Variants in PDGFC observed in about 807,000 individuals in gnomAD.
The protein encoded by PDGFC is platelet derived growth factor C.
In PDGFC, 12 loss-of-function variants were observed where a neutral mutation model predicts 35.5. The ratio of observed to expected loss-of-function variants is 0.34; its 90% CI spans 0.22 to 0.55. The LOEUF is 0.55. Ranked by LOEUF, PDGFC falls within the 20% of genes least tolerant of loss-of-function variation. The pLI is 0.91. For missense variants in PDGFC, 322 were observed against 412.4 expected (o/e 0.78, Z 1.90); for synonymous variants, 159 against 148.8 (o/e 1.07, Z -0.50).
intron 1 of PDGFC, among the ~76,000 whole-genome samples, chr4:156,946,787 C>A (rs539320077): frequency 6.6e-6 from 1 of 152,120 alleles, no homozygotes; most frequent in East Asian, 1.9e-4. Flanking sequence ...AAGGAGAGGG[C>A]TAGGCAACAC....
At chr4:156,774,926 C>T (rs113928564) in intron 3 of PDGFC, among the ~76,000 whole-genome samples, 1 of 152,070 alleles carries the variant, frequency 6.6e-6, no homozygotes, top group African/African-American at 2.4e-5. Context: ...TGTGTAAGTA[C>T]ATATATATAC....
chr4:156,836,167 C>T (rs1373142969), intron 2 of PDGFC, among the ~76,000 whole-genome samples: 1 of 152,124 alleles, frequency 6.6e-6, no homozygotes, highest in African/African-American at 2.4e-5. Context: ...CTCTGGTCTC[C>T]TCCTTCATTT....
chr4:156,955,611 A>C (rs1317247862), intron 1 of PDGFC, among the ~76,000 whole-genome samples: 1 of 151,986 alleles, frequency 6.6e-6, no homozygotes, highest in Non-Finnish European at 1.5e-5. Context: ...CAAAAATCAA[A>C]CCTGATTAAT....
chr4:156,922,319 C>T (rs1308068738), intron 1 of PDGFC, among the ~76,000 whole-genome samples: 4 of 152,098 alleles, frequency 2.6e-5, no homozygotes, highest in African/African-American at 9.7e-5. Flanking sequence ...CCTCCTCCAC[C>T]CAAACATGGA....
intron 3 of PDGFC, among the ~76,000 whole-genome samples, chr4:156,796,366 T>G (rs1435262270): frequency 2.0e-5 from 3 of 152,094 alleles, no homozygotes; most frequent in African/African-American, 7.2e-5. Flanking sequence ...CATAATTTCC[T>G]ATTGAGTTTG....
chr4:156,863,295 A>G (rs796364959), intron 1 of PDGFC, among the ~76,000 whole-genome samples: 14 of 152,270 alleles, frequency 9.2e-5, no homozygotes, highest in African/African-American at 2.6e-4. Context: ...ATAAACCTTC[A>G]ATACAAATCT....
chr4:156,796,133 A>G lies in PDGFC; in HGVS notation c.495+14704T>C, dbSNP rs1180724467. 2.0e-5 allele frequency among the ~76,000 whole-genome samples: 3 copies of G among 152,248 alleles called. No homozygotes were observed. In the East Asian group the frequency reaches 5.8e-4, roughly 29 times the overall value. Reference sequence around the variant, plus strand: ...CACCACACTGCAGAGTTTTAGATAAAGATTATAAAATCACCTACTTCAGAA... The same window carrying G: ...CACCACACTGCAGAGTTTTAGATAAGGATTATAAAATCACCTACTTCAGAA... On this transcript the variant is annotated intron_variant, in intron 3 of 5. Coordinates refer to ENST00000502773, the MANE Select transcript of PDGFC (RefSeq NM_016205.3).
chr4:156,772,369 T>G (rs1730713586), intron 4 of PDGFC, among the ~76,000 whole-genome samples: 1 of 152,150 alleles, frequency 6.6e-6, no homozygotes, highest in Admixed American at 6.6e-5. Context: ...ATTCCAAGTA[T>G]TAGGTTTGAG....
intron 1 of PDGFC, among the ~76,000 whole-genome samples, chr4:156,927,825 G>C (rs1027653583): frequency 1.3e-5 from 2 of 151,930 alleles, no homozygotes; most frequent in Admixed American, 6.6e-5. Context: ...CCACATTTTT[G>C]GGTATCTTTT....
intron 1 of PDGFC, among the ~76,000 whole-genome samples, chr4:156,921,833 C>G (rs1731289875): frequency 6.6e-6 from 1 of 152,072 alleles, no homozygotes; most frequent in South Asian, 2.1e-4. Context: ...CACATATTAG[C>G]TGCCTTGTCA....
At chr4:156,785,619 T>C (rs1389483653) in intron 3 of PDGFC, among the ~76,000 whole-genome samples, 1 of 152,088 alleles carries the variant, frequency 6.6e-6, no homozygotes, top group South Asian at 2.1e-4. Context: ...CAGCATCAGA[T>C]AAAGGGGTGA....
At chr4:156,914,881 G>GGGAAAGTCT (rs35538465) in intron 1 of PDGFC, among the ~76,000 whole-genome samples, 88,015 of 151,306 alleles carry the variant, frequency 0.58, 25,732 homozygotes, top group East Asian at 0.69. Flanking sequence ...TGACAGACTG[G>GGGAAAGTCT]CTTTACAATA....
chr4:156,931,127 T>C (rs994084345), intron 1 of PDGFC, among the ~76,000 whole-genome samples: 2 of 152,098 alleles, frequency 1.3e-5, no homozygotes, highest in African/African-American at 4.8e-5. Flanking sequence ...TGACAAAAAA[T>C]TGTGAAAGCA....
intron 1 of PDGFC, among the ~76,000 whole-genome samples, chr4:156,949,520 C>T (rs1732030031): frequency 6.6e-6 from 1 of 151,688 alleles, no homozygotes. Context: ...AAACTGGCCT[C>T]AGGAAATTAT....
At chr4:156,856,558 A>C (rs1390174336) in intron 1 of PDGFC, among the ~76,000 whole-genome samples, 1 of 152,102 alleles carries the variant, frequency 6.6e-6, no homozygotes. Context: ...TTTAATCATA[A>C]TTATGGATTC....
chr4:156,842,971 T>C (rs533568875), intron 2 of PDGFC, among the ~76,000 whole-genome samples: 3 of 152,288 alleles, frequency 2.0e-5, no homozygotes, highest in Admixed American at 6.5e-5. Flanking sequence ...GCCACAGCAC[T>C]GTAGCAGACA....
chr4:156,878,311 C>T (rs1730162142), intron 1 of PDGFC, among the ~76,000 whole-genome samples: 1 of 152,098 alleles, frequency 6.6e-6, no homozygotes, highest in Non-Finnish European at 1.5e-5. Context: ...TCACCAGATC[C>T]AATCATTCCG....
chr4:156,782,759 G>A (rs538328664), intron 3 of PDGFC, among the ~76,000 whole-genome samples: 187 of 152,160 alleles, frequency 1.2e-3, no homozygotes, highest in African/African-American at 4.0e-3. Flanking sequence ...AAGTTGGTAC[G>A]GTCACCTCAA....
chr4:156,867,574 G>A lies in PDGFC; in HGVS notation c.119-17158C>T, dbSNP rs374789825. Among the ~76,000 whole-genome samples, 241 of 152,270 alleles carry A rather than the reference G, an allele frequency of 1.6e-3. 6 individuals carry two copies. The South Asian group carries it at 0.048, about 31-fold the overall frequency. ...TATCTGTCAATTCAAGAGTATTCAT[G>A]TATCAATTCTCCCACACCCTGTTGT... On this transcript the variant is annotated intron_variant, in intron 1 of 5. Coordinates refer to ENST00000502773, the MANE Select transcript of PDGFC (RefSeq NM_016205.3).
Sources: allele counts gnomAD v4.1 joint callset (sites outside exome capture counted in the v4.1 genomes callset), GRCh38; gene constraint gnomAD v4.1.1; transcripts MANE v1.5; gene names NCBI Gene and HGNC (gene_info 2026-07-23, HGNC 2026-07-21).